Variants in PCDH9 observed in about 807,000 individuals in gnomAD.
PCDH9 encodes protocadherin-9.
PCDH9 carries 24 observed loss-of-function variants against 70.6 expected under a neutral mutation model. The ratio of observed to expected loss-of-function variants is 0.34; its 90% CI spans 0.25 to 0.48. The LOEUF (loss-of-function observed/expected upper bound fraction) is 0.48, where lower values mean the gene tolerates loss of function less well. Ranked by LOEUF, PCDH9 falls within the 20% of genes least tolerant of loss-of-function variation. The pLI, the probability that PCDH9 is intolerant of heterozygous loss-of-function variation, is 0.99. For missense variants in PCDH9, 1,281 were observed against 1,503.6 expected (o/e 0.85, Z 2.45); for synonymous variants, 562 against 558.5 (o/e 1.01, Z -0.09).
In PCDH9 at chr13:67,226,757, C is replaced by G; in HGVS notation, c.1684G>C (p.Val562Leu). Residue 562 changes from valine (V) to leucine (L), a missense_variant, in exon 2 of 5, where the codon GTT (valine) becomes CTT (leucine). Transcript: ENST00000377865. This position sits in a 1 kb window ranked among gnomAD's most constrained non-coding sequence, Gnocchi z 5.0. ...GGGCTATTGTCATTCTCATCCAGAA[C>G]AGTAACAATCACAGCCGCTTGGCTT... Reference protein sequence around the residue: ...LQSQAAVIVTVLDENDNSPKF... With the variant: ...LQSQAAVIVTLLDENDNSPKF... 1 of 1,614,156 alleles carries G rather than the reference C, an allele frequency of 6.2e-7. No homozygotes were observed. The highest frequency in any genetic ancestry group is 8.5e-7 in the Non-Finnish European group (1 of 1,180,000).
intron 2 of PCDH9, among the ~76,000 whole-genome samples, chr13:67,113,672 C>A (rs983036504): frequency 2.0e-5 from 3 of 152,060 alleles, no homozygotes; most frequent in Non-Finnish European, 4.4e-5. Flanking sequence ...CTCAGCCTCC[C>A]GAGTAGCTGG....
intron 3 of PCDH9, among the ~76,000 whole-genome samples, chr13:66,866,166 A>C (rs1234105324): frequency 1.3e-5 from 2 of 152,196 alleles, no homozygotes; most frequent in African/African-American, 2.4e-5. Context: ...TCTGGGCAAT[A>C]AATGATGTTG....
chr13:67,149,603 C>A (rs946897239), intron 2 of PCDH9, among the ~76,000 whole-genome samples: 1 of 151,748 alleles, frequency 6.6e-6, no homozygotes, highest in African/African-American at 2.4e-5. Context: ...CTAATGGTCA[C>A]GAATTTTTAT....
intron 3 of PCDH9, among the ~76,000 whole-genome samples, chr13:66,670,322 A>G (rs1477373805): frequency 5.3e-5 from 8 of 152,208 alleles, no homozygotes; most frequent in Non-Finnish European, 1.2e-4. Flanking sequence ...TACTTTGGTA[A>G]CCCTAATAGA....
chr13:66,730,418 A>G (rs2079057308), intron 3 of PCDH9, among the ~76,000 whole-genome samples: 1 of 152,150 alleles, frequency 6.6e-6, no homozygotes, highest in Non-Finnish European at 1.5e-5. Flanking sequence ...AATCTAGTGA[A>G]CTACTACTAC....
intron 3 of PCDH9, among the ~76,000 whole-genome samples, chr13:66,783,826 A>C (rs753486026): frequency 3.8e-4 from 58 of 152,294 alleles, no homozygotes; most frequent in Non-Finnish European, 7.4e-4. Flanking sequence ...TAGGTACAAC[A>C]TAACAGTATT....
At chr13:66,859,420 C>A (rs946114998) in intron 3 of PCDH9, among the ~76,000 whole-genome samples, 1 of 152,124 alleles carries the variant, frequency 6.6e-6, no homozygotes, top group Non-Finnish European at 1.5e-5. Context: ...AGCTTACATA[C>A]AGTTCAAGGG....
At chr13:67,141,304 G>A (rs2087380222) in intron 2 of PCDH9, among the ~76,000 whole-genome samples, 1 of 152,080 alleles carries the variant, frequency 6.6e-6, no homozygotes, top group Non-Finnish European at 1.5e-5. Flanking sequence ...AAAGGGAAAT[G>A]GGGCCGAGTG....
chr13:66,528,745 C>T (rs576510552), intron 4 of PCDH9, among the ~76,000 whole-genome samples: 1 of 152,178 alleles, frequency 6.6e-6, no homozygotes, highest in African/African-American at 2.4e-5. Flanking sequence ...TTATTTTAAA[C>T]AGTAAAACTG....
chr13:67,217,925 T>C (rs1267484753), intron 2 of PCDH9: 1 of 152,086 alleles, frequency 6.6e-6, no homozygotes, highest in Non-Finnish European at 1.5e-5. Flanking sequence ...AATCAGTCCA[T>C]TGTAAGGCAT....
chr13:66,898,471 A>C (rs1400935816), intron 3 of PCDH9, among the ~76,000 whole-genome samples: 1 of 152,018 alleles, frequency 6.6e-6, no homozygotes, highest in Non-Finnish European at 1.5e-5. Context: ...TTTTAGTTTT[A>C]AAGCTGATAT....
At chr13:66,675,113 G>C (rs938672324) in intron 3 of PCDH9, among the ~76,000 whole-genome samples, 7 of 152,026 alleles carry the variant, frequency 4.6e-5, no homozygotes, top group African/African-American at 1.7e-4. Context: ...TGATGCCTCA[G>C]ATTCCTTATC....
At chr13:66,427,348 T>C (rs1259160981) in intron 4 of PCDH9, among the ~76,000 whole-genome samples, 1 of 151,806 alleles carries the variant, frequency 6.6e-6, no homozygotes, top group African/African-American at 2.4e-5. Context: ...ATTTAATTAT[T>C]TGACTTATTA....
intron 2 of PCDH9, among the ~76,000 whole-genome samples, chr13:66,927,713 G>A (rs1331220526): frequency 6.6e-6 from 1 of 151,890 alleles, no homozygotes; most frequent in Non-Finnish European, 1.5e-5. Context: ...CCCTCCATGA[G>A]TGTCTGTGTA....
chr13:66,726,710 G>A (rs1403414260), intron 3 of PCDH9, among the ~76,000 whole-genome samples: 3 of 152,140 alleles, frequency 2.0e-5, no homozygotes, highest in Non-Finnish European at 2.9e-5. Flanking sequence ...CTCACATAAA[G>A]CACCATTCAT....
intron 3 of PCDH9, among the ~76,000 whole-genome samples, chr13:66,684,272 T>A (rs564200567): frequency 6.6e-6 from 1 of 152,310 alleles, no homozygotes; most frequent in Admixed American, 6.5e-5. Context: ...GGAAAATTGA[T>A]CATTTCTCTG....
At chr13:67,072,432 G>A (rs531591433) in intron 2 of PCDH9, among the ~76,000 whole-genome samples, 3 of 152,008 alleles carry the variant, frequency 2.0e-5, no homozygotes, top group Non-Finnish European at 2.9e-5. Flanking sequence ...TCACACTTCC[G>A]CATGACTATC....
At chr13:66,613,914 C>T (rs1020100892) in intron 4 of PCDH9, among the ~76,000 whole-genome samples, 4 of 152,122 alleles carry the variant, frequency 2.6e-5, no homozygotes, top group African/African-American at 9.7e-5. Flanking sequence ...AGGTCAGATG[C>T]AAGTTTTGCT....
chr13:66,385,366 A>G (rs373456411), intron 4 of PCDH9, among the ~76,000 whole-genome samples: 3 of 152,170 alleles, frequency 2.0e-5, no homozygotes, highest in African/African-American at 7.2e-5. Context: ...TGTGCACTGG[A>G]TATCAGAAAA....
Sources: gnomAD v4.1 joint callset for allele counts (sites outside exome capture counted in the v4.1 genomes callset) on GRCh38, gnomAD v4.1.1 for gene constraint, Gnocchi (gnomAD v3.1) non-coding constraint, MANE v1.5 for transcripts, NCBI Gene and HGNC (gene_info 2026-07-23, HGNC 2026-07-21) for gene names.